The following USH2A variants were observed in gnomAD, a reference collection of about 807,000 sequenced individuals.
The protein encoded by USH2A is Usher syndrome 2A (autosomal recessive, mild).
Under a neutral mutation model 538.9 loss-of-function variants are expected in USH2A, and 443 were observed. The ratio of observed to expected loss-of-function variants is 0.82; its 90% confidence interval spans 0.76 to 0.89. The LOEUF is 0.89. Among genes scored for constraint, USH2A ranks in the 40% least tolerant of loss-of-function variants. USH2A has a pLI of 0.00. For synonymous variants in USH2A, 2,413 were observed against 2,273.5 expected (o/e 1.06, Z -1.75); for missense variants, 6,633 against 6,324.8 (o/e 1.05, Z -1.65).
At chr1:216,303,498 A>G (rs1428208595) in intron 9 of USH2A, among the ~76,000 whole-genome samples, 1 of 151,960 alleles carries the variant, frequency 6.6e-6, no homozygotes, top group Non-Finnish European at 1.5e-5. Flanking sequence ...CAACTGGTAT[A>G]CAAGGTATTT....
intron 4 of USH2A, among the ~76,000 whole-genome samples, chr1:216,360,535 G>C (rs1304035622): frequency 6.6e-6 from 1 of 152,000 alleles, no homozygotes; most frequent in Non-Finnish European, 1.5e-5. Flanking sequence ...TGGACTGTGG[G>C]TGATAATGAT....
At chr1:215,842,850 A>G (rs749708413) in intron 46 of USH2A, among the ~76,000 whole-genome samples, 2 of 152,120 alleles carry the variant, frequency 1.3e-5, no homozygotes, top group Non-Finnish European at 2.9e-5. Context: ...ATAAATAGCT[A>G]ATAATACATG....
At chr1:215,739,016 TA>T (rs1218051171) in intron 60 of USH2A, among the ~76,000 whole-genome samples, 2 of 152,242 alleles carry the variant, frequency 1.3e-5, no homozygotes, top group African/African-American at 4.8e-5. Context: ...TAAGCACATT[TA>T]AACTTCAGTT....
At chr1:215,712,659 G>A (rs1008568942) in intron 61 of USH2A, among the ~76,000 whole-genome samples, 1 of 152,168 alleles carries the variant, frequency 6.6e-6, no homozygotes, top group Non-Finnish European at 1.5e-5. Context: ...TCTACCTGGA[G>A]TCTTGGGTCA....
At chr1:216,073,737 C>T (rs1031219796) in intron 27 of USH2A, among the ~76,000 whole-genome samples, 5 of 152,198 alleles carry the variant, frequency 3.3e-5, no homozygotes, top group African/African-American at 9.7e-5. Context: ...CATGATTATT[C>T]AGTAAGCTCA....
intron 21 of USH2A, among the ~76,000 whole-genome samples, chr1:216,143,757 C>T (rs1438978901): frequency 1.3e-5 from 2 of 152,156 alleles, no homozygotes; most frequent in Admixed American, 1.3e-4. Flanking sequence ...AAATCAATTA[C>T]TGTATGTAAT....
At chr1:215,672,828 AGATTTCTCTCACATTCT>A (rs1657868338) in intron 63 of USH2A, among the ~76,000 whole-genome samples, 1 of 152,234 alleles carries the variant, frequency 6.6e-6, no homozygotes, top group Non-Finnish European at 1.5e-5. Flanking sequence ...GATAATGAAG[AGATTTCTCTCACATTCT>A]TAAATATCCT....
rs753536331 is a variant in USH2A, at chr1:216,073,240, G to C, written c.5633C>G (p.Ser1878Cys). 1.2e-6 allele frequency: 2 copies of C among 1,613,770 alleles called. No homozygotes were observed. Among genetic ancestry groups the C allele is most frequent in the Non-Finnish European group, 1.7e-6 (2 of 1,179,948 alleles). Residue 1878 changes from serine to cysteine, a missense_variant, in exon 28 of 72, where the codon TCT (serine) becomes TGT (cysteine). Transcript: ENST00000307340. ...FTRGAVVNLA[S>C]VSSGAVRVNL... is the part of the protein sequence containing the mutation. ...GACTCTGACAGCACCGCTGGACACA[G>C]ATGCCAAGTTAACGACAGCACCCCG...
intron 30 of USH2A, among the ~76,000 whole-genome samples, chr1:216,065,517 G>A (rs2031327781): frequency 6.6e-6 from 1 of 152,148 alleles, no homozygotes; most frequent in Non-Finnish European, 1.5e-5. Flanking sequence ...AACTGGGGGA[G>A]TTGCATTAGA....
chr1:215,803,084 G>C (rs181831232), intron 49 of USH2A, among the ~76,000 whole-genome samples: 1 of 151,914 alleles, frequency 6.6e-6, no homozygotes, highest in Non-Finnish European at 1.5e-5. Context: ...ATTCAACAAC[G>C]CTTCATGCTA....
In USH2A at chr1:216,400,216, T is replaced by TTATATATATA. The variant is rs71161422; in HGVS notation, c.651+18288_651+18297dup. Among the ~76,000 whole-genome samples, 116 of 147,296 alleles carry TTATATATATA rather than the reference T, an allele frequency of 7.9e-4. 1 individual carries two copies. The highest frequency in any genetic ancestry group is 2.5e-3 in the African/African-American group (101 of 40,452). On this transcript the variant is annotated intron_variant, in intron 3 of 71. Transcript: ENST00000307340. Reference sequence around the variant, plus strand: ...AGAAACCCCAGCATAGAAATAGAAGTTATATATATATATATATATATAAAA... The same window carrying TTATATATATA: ...AGAAACCCCAGCATAGAAATAGAAGTTATATATATATATATATATATATATATATATAAAA...
At chr1:216,048,125 AT>A (rs2030599024) in intron 31 of USH2A, among the ~76,000 whole-genome samples, 1 of 152,184 alleles carries the variant, frequency 6.6e-6, no homozygotes, top group East Asian at 1.9e-4. Context: ...AAAAAAGACC[AT>A]GGAAATCAAC....
chr1:216,287,217 G>T (rs1413151733), intron 11 of USH2A, among the ~76,000 whole-genome samples: 1 of 152,122 alleles, frequency 6.6e-6, no homozygotes, highest in African/African-American at 2.4e-5. Context: ...CATAATAATT[G>T]ATGCAGAAAT....
intron 61 of USH2A, among the ~76,000 whole-genome samples, chr1:215,693,116 G>GTATATATATATATATATATATA: frequency 7.5e-6 from 1 of 133,550 alleles, no homozygotes; most frequent in South Asian, 3.0e-4. Context: ...GTGTGTATGT[G>GTATATATATATATATATATATA]TATATATATA....
intron 35 of USH2A, among the ~76,000 whole-genome samples, chr1:215,983,641 A>G (rs1667806380): frequency 6.6e-6 from 1 of 152,172 alleles, no homozygotes; most frequent in African/African-American, 2.4e-5. Flanking sequence ...ACACACACAC[A>G]CAAAAAACAC....
At chr1:215,980,597 A>G (rs1421933234) in intron 35 of USH2A, among the ~76,000 whole-genome samples, 1 of 152,170 alleles carries the variant, frequency 6.6e-6, no homozygotes, top group East Asian at 1.9e-4. Flanking sequence ...TTCCTCACAG[A>G]TAAATATGAG....
chr1:216,021,767 G>C (rs968236811), intron 32 of USH2A, among the ~76,000 whole-genome samples: 5 of 152,190 alleles, frequency 3.3e-5, no homozygotes, highest in Non-Finnish European at 7.3e-5. Context: ...GGACCTGATT[G>C]TGAGTGTAAG....
intron 37 of USH2A, among the ~76,000 whole-genome samples, chr1:215,940,032 A>G (rs1008030565): frequency 1.3e-5 from 2 of 152,164 alleles, no homozygotes; most frequent in African/African-American, 4.8e-5. Flanking sequence ...AAATGGCACA[A>G]CATGAATCCA....
intron 38 of USH2A, among the ~76,000 whole-genome samples, chr1:215,917,866 G>A (rs890224486): frequency 6.6e-6 from 1 of 151,744 alleles, no homozygotes; most frequent in Non-Finnish European, 1.5e-5. Context: ...AGGATGCTGA[G>A]GTGGGACAAT....
Sources: allele counts gnomAD v4.1 joint callset (sites outside exome capture counted in the v4.1 genomes callset), GRCh38; gene constraint gnomAD v4.1.1; transcripts MANE v1.5; gene names NCBI Gene and HGNC (gene_info 2026-07-23, HGNC 2026-07-21).